ATG4B: variants seen among roughly 807,000 people sequenced by gnomAD.
ATG4B encodes autophagy related 4B cysteine peptidase.
ATG4B carries 29 observed loss-of-function variants against 56.6 expected under a neutral mutation model. The ratio of observed to expected loss-of-function variants is 0.51; its 90% CI spans 0.38 to 0.70. ATG4B has a LOEUF of 0.70. Ranked by LOEUF, ATG4B falls within the 30% of genes least tolerant of loss-of-function variation. The probability of loss-of-function intolerance (pLI) is 0.00; values close to 1 mark genes in which losing one functional copy is unlikely to be tolerated. For synonymous variants in ATG4B, 224 were observed against 206.1 expected (o/e 1.09, Z -0.74); for missense variants, 461 against 515.5 (o/e 0.89, Z 1.02).
chr2:241,646,126 C>G (rs952098609), intron 1 of ATG4B, among the ~76,000 whole-genome samples: 4 of 152,160 alleles, frequency 2.6e-5, no homozygotes. Context: ...AATGGAACAC[C>G]TCTTATTCCC....
At chr2:241,640,069 T>C (rs914140673) in intron 1 of ATG4B, among the ~76,000 whole-genome samples, 5 of 152,318 alleles carry the variant, frequency 3.3e-5, no homozygotes, top group African/African-American at 9.6e-5. Flanking sequence ...TATGAGAGAC[T>C]TGGCTAAGGT....
rs2068229385 is a variant in ATG4B at position 241,651,483 on chromosome 2, C to T, written c.184+148C>T. On this transcript the variant is annotated intron_variant, in intron 3 of 12. Transcript: ENST00000404914. The surrounding 1 kb of genome is among the most constrained non-coding windows in gnomAD (Gnocchi z 4.1). ...CTTAACTGAATTGGCCGAGGCCTCA[C>T]GTGTAGTAGTGGCAAAGCTAGAATC... The T allele has an allele frequency of 4.3e-6, 3 of 697,374 alleles. No homozygotes were observed. Among genetic ancestry groups the T allele is most frequent in the African/African-American group, 1.8e-5 (1 of 55,572 alleles). The allele number at this position is 697,374 out of a possible 1,614,324, so 43.2% of individuals were successfully genotyped here. A position where few individuals can be genotyped will look rare whatever the true frequency, so the allele number is the denominator to read the frequency against.
intron 1 of ATG4B, among the ~76,000 whole-genome samples, chr2:241,647,305 T>C (rs954334302): frequency 1.3e-5 from 2 of 152,104 alleles, no homozygotes. Context: ...GATGGAATCA[T>C]TGTCTTGCAG....
At chr2:241,637,933 G>A (rs1330362469) in intron 1 of ATG4B, among the ~76,000 whole-genome samples, 1 of 151,626 alleles carries the variant, frequency 6.6e-6, no homozygotes. Flanking sequence ...GCACTGCGCC[G>A]CGGAACCCGC....
rs779478462 is a variant in ATG4B at position 241,654,630 on chromosome 2, A to T, written c.368A>T (p.Tyr123Phe). 4 of 1,597,582 alleles carry T rather than the reference A, an allele frequency of 2.5e-6. No homozygotes were observed. In the South Asian group the frequency reaches 4.6e-5, roughly 18 times the overall value. Residue 123 changes from tyrosine (Y) to phenylalanine (F), a missense_variant, in exon 5 of 13, where the codon TAC becomes TTC. Physicochemically the swap from Tyr to Phe is conservative, Grantham distance 22. Transcript: ENST00000404914. ...NAFIDRKDSY[Y>F]SIHQIAQMGV... is the part of the protein sequence containing the mutation. Reference sequence around the variant, plus strand: ...TTCATCGACAGGAAGGACAGTTACTACTCCATTCACCAGATAGGTGGGAGG... The same window carrying T: ...TTCATCGACAGGAAGGACAGTTACTTCTCCATTCACCAGATAGGTGGGAGG...
chr2:241,648,181 CAAGT>C (rs931821994), intron 1 of ATG4B, among the ~76,000 whole-genome samples: 1 of 152,150 alleles, frequency 6.6e-6, no homozygotes, highest in African/African-American at 2.4e-5. Context: ...TGTGCAGAAA[CAAGT>C]AACATATATA....
At chr2:241,652,249 C>T (rs1035316110) in intron 3 of ATG4B, among the ~76,000 whole-genome samples, 1 of 152,276 alleles carries the variant, frequency 6.6e-6, no homozygotes, top group Non-Finnish European at 1.5e-5. Flanking sequence ...AATAGTTGCT[C>T]ATTCCACAGT....
chr2:241,667,570 C>T (rs989561268), intron 8 of ATG4B, among the ~76,000 whole-genome samples: 1 of 150,812 alleles, frequency 6.6e-6, no homozygotes, highest in African/African-American at 2.4e-5. Context: ...TGCCATTGCA[C>T]TCCATCCTGG....
chr2:241,646,835 T>C (rs796543477), intron 1 of ATG4B, among the ~76,000 whole-genome samples: 16 of 150,330 alleles, frequency 1.1e-4, no homozygotes, highest in African/African-American at 3.7e-4. Flanking sequence ...TGGGCTGGAA[T>C]GCAGTGGCGC....
chr2:241,668,798 C>T lies in ATG4B; in HGVS notation c.957+113C>T, dbSNP rs2068861623. The T allele has an allele frequency of 6.9e-7, 1 of 1,439,958 alleles. No homozygotes were observed. 89.2% of individuals were successfully genotyped at this position (1,439,958 alleles called of 1,614,324 possible). ...TTTTTTCAGCATGTTGGGATAAGTA[C>T]TGTGTTCACGTGGTTGGGAATCTGA... is the stretch of plus-strand genomic sequence containing the variant. On this transcript the variant is annotated intron_variant, in intron 10 of 12. Transcript: ENST00000404914. The surrounding 1 kb of genome is among the most constrained non-coding windows in gnomAD (Gnocchi z 4.2).
At position 241,668,200 on chromosome 2, in the gene ATG4B, C is replaced by T. The variant is rs930841861; in HGVS notation, c.790C>T (p.His264Tyr). 1.2e-6 allele frequency: 2 copies of T among 1,607,004 alleles called. No homozygotes were observed. The highest frequency in any genetic ancestry group is 1.7e-6 in the Non-Finnish European group (2 of 1,177,158). Reference protein sequence around the residue: ...GVIGGKPNSAHYFIGYVGEEL... With the variant: ...GVIGGKPNSAYYFIGYVGEEL... The stretch of plus-strand genomic sequence containing the variant: ...CATCGGAGGGAAGCCCAACAGCGCC[C>T]ACTACTTCATCGGCTACGTTGGTGA... The change falls in exon 9 of 13, where the codon CAC becomes TAC. Residue 264 changes from histidine (H) to tyrosine (Y), a missense_variant. By Grantham distance (83) the His-to-Tyr change is moderately conservative. Transcript: ENST00000404914. This position sits in a 1 kb window ranked among gnomAD's most constrained non-coding sequence, Gnocchi z 4.2.
In ATG4B at chr2:241,672,518, G is replaced by A. The variant is rs1363123779; in HGVS notation, c.*254G>A. 7.3e-6 allele frequency: 4 copies of A among 550,846 alleles called. No individual in the cohort carries two copies. The East Asian group carries it at 1.2e-4, about 17-fold the overall frequency. 34.1% of individuals were successfully genotyped at this position (550,846 alleles called of 1,614,324 possible). A position where few individuals can be genotyped will look rare whatever the true frequency, so the allele number is the denominator to read the frequency against. ...GAGCCGTCTGTTAGGAGCTTCCAGA[G>A]TGTTCTCTCGACACTGCCAGCCCCG... On this transcript the variant is annotated 3_prime_UTR_variant, in exon 13 of 13. Transcript: ENST00000404914.
rs2068639962 is a variant in ATG4B at position 241,663,065 on chromosome 2, A to G, written c.539-3580A>G. On this transcript the variant is annotated intron_variant, in intron 7 of 12. Coordinates refer to ENST00000404914, the MANE Select transcript of ATG4B (RefSeq NM_013325.5). ...AGCCTGGTCAACATCGTAAAACCCC[A>G]TGTCTACTAAAAAAAAAGTTAGCTG... 3.3e-5 allele frequency among the ~76,000 whole-genome samples: 5 copies of G among 152,072 alleles called. No homozygotes were observed. The South Asian group carries it at 8.3e-4, about 25-fold the overall frequency.
At position 241,651,219 on chromosome 2, in the gene ATG4B, A is replaced by G; in HGVS notation, c.113-45A>G. On this transcript the variant is annotated intron_variant, in intron 2 of 12. Coordinates refer to ENST00000404914, the MANE Select transcript of ATG4B (RefSeq NM_013325.5). The surrounding 1 kb of genome is among the most constrained non-coding windows in gnomAD (Gnocchi z 4.1). Reference sequence around the variant, plus strand: ...GCCATAACTTGTGACTTGCAAACTTAAGGCGTTGTGTGTGTGTGTTTTTTT... The same window carrying G: ...GCCATAACTTGTGACTTGCAAACTTGAGGCGTTGTGTGTGTGTGTTTTTTT... 1 of 1,561,384 alleles carries G rather than the reference A, an allele frequency of 6.4e-7. No homozygotes were observed. Among genetic ancestry groups the G allele is most frequent in the Non-Finnish European group, 8.7e-7 (1 of 1,148,090 alleles).
At chr2:241,649,784 C>CTTTTTTTTT (rs111624909) in intron 1 of ATG4B, among the ~76,000 whole-genome samples, 1 of 137,512 alleles carries the variant, frequency 7.3e-6, no homozygotes, top group Non-Finnish European at 1.6e-5. Context: ...TTTTCTTTTT[C>CTTTTTTTTT]TTTTTTTTTT....
intron 8 of ATG4B, chr2:241,667,688 G>C (rs1490350828): frequency 6.4e-6 from 1 of 155,060 alleles, no homozygotes; most frequent in Admixed American, 6.5e-5. Context: ...AGTCACATTT[G>C]TATGGAACTG....
intron 1 of ATG4B, among the ~76,000 whole-genome samples, chr2:241,642,803 C>T (rs2067934024): frequency 6.9e-6 from 1 of 144,104 alleles, no homozygotes. Context: ...TGTCTGGGAT[C>T]CAGCCGACCA....
chr2:241,644,940 T>TC (rs947166639), intron 1 of ATG4B, among the ~76,000 whole-genome samples: 4 of 138,520 alleles, frequency 2.9e-5, no homozygotes, highest in African/African-American at 8.3e-5. Flanking sequence ...CGAGCAAAAC[T>TC]CCATCTCAAA....
chr2:241,665,000 G>A (rs1019814847), intron 7 of ATG4B, among the ~76,000 whole-genome samples: 15 of 151,914 alleles, frequency 9.9e-5, no homozygotes, highest in African/African-American at 2.9e-4. Flanking sequence ...CACACCTGTT[G>A]TTCCAGCTAC....
Sources: gnomAD v4.1 joint callset for allele counts (sites outside exome capture counted in the v4.1 genomes callset) on GRCh38, gnomAD v4.1.1 for gene constraint, Gnocchi (gnomAD v3.1) non-coding constraint, MANE v1.5 for transcripts, NCBI Gene and HGNC (gene_info 2026-07-23, HGNC 2026-07-21) for gene names.